Variants in SPIRE2 observed in about 807,000 individuals in gnomAD.
SPIRE2 encodes the protein spire type actin nucleation factor 2.
Under a neutral mutation model 80.7 loss-of-function variants are expected in SPIRE2, and 76 were observed. That is an observed-to-expected ratio of 0.94 (90% CI 0.78 to 1.14). The LOEUF (loss-of-function observed/expected upper bound fraction) is 1.14. SPIRE2 is among the 50% of genes most tolerant of loss of function. The pLI is 0.00. For missense variants in SPIRE2, 1,196 were observed against 1,015.3 expected (o/e 1.18, Z -2.42); for synonymous variants, 535 against 432.6 (o/e 1.24, Z -2.94).
In SPIRE2 at chr16:89,856,212, C is replaced by T. The variant is rs762472678; in HGVS notation, c.1078C>T (p.Arg360Trp). The T allele has an allele frequency of 1.1e-5, 17 of 1,589,718 alleles. No individual in the cohort carries two copies. In the African/African-American group the frequency reaches 1.1e-4, roughly 10 times the overall value. ...GCAGGAGCGGAGGCTGCGCCCGGTG[C>T]GGGGCGAGGGCTGGGCTGCCCGCGG... is the stretch of plus-strand genomic sequence containing the variant. ...IKQERRLRPVRGEGWAARGFG... is the reference protein window; with the variant it reads ...IKQERRLRPVWGEGWAARGFG... The change falls in exon 7 of 15, where the codon CGG becomes TGG. Residue 360 changes from arginine to tryptophan, a missense_variant. Coordinates refer to ENST00000378247, the MANE Select transcript of SPIRE2 (RefSeq NM_032451.2).
chr16:89,857,601 G>A (rs549053722), intron 7 of SPIRE2, among the ~76,000 whole-genome samples: 43 of 146,238 alleles, frequency 2.9e-4, no homozygotes, highest in African/African-American at 9.1e-4. Flanking sequence ...ATGGAGTTTC[G>A]CCCTTTTTGC....
At chr16:89,869,385 C>T (rs2041819112) in intron 13 of SPIRE2, among the ~76,000 whole-genome samples, 182 bp from the exon 14 acceptor site, 1 of 152,012 alleles carries the variant, frequency 6.6e-6, no homozygotes, top group South Asian at 2.1e-4. Flanking sequence ...GCAGGAACCC[C>T]GTGCCAGTCT....
chr16:89,858,568 G>A (rs1263578561), intron 8 of SPIRE2, 61 bp downstream of exon 8: 4 of 1,464,554 alleles, frequency 2.7e-6, no homozygotes, highest in Non-Finnish European at 3.6e-6. Flanking sequence ...GGCCAAGGAA[G>A]TGAGAAGGGC....
chr16:89,847,424 C>T (rs1464660967), intron 2 of SPIRE2, among the ~76,000 whole-genome samples: 1 of 152,186 alleles, frequency 6.6e-6, no homozygotes, highest in African/African-American at 2.4e-5. Context: ...CCCTGCTGTC[C>T]CGAGTCTCCA....
chr16:89,844,148 A>AT (rs1419468669), intron 1 of SPIRE2, among the ~76,000 whole-genome samples: 2 of 150,876 alleles, frequency 1.3e-5, no homozygotes, highest in Non-Finnish European at 3.0e-5. Flanking sequence ...CGCCTGGCTA[A>AT]TTTTTTTATT....
chr16:89,836,890 G>A (rs1203820936), intron 1 of SPIRE2, among the ~76,000 whole-genome samples: 2 of 152,140 alleles, frequency 1.3e-5, no homozygotes, highest in Non-Finnish European at 2.9e-5. Flanking sequence ...AGCTACTGAG[G>A]AGGATGAGGC....
chr16:89,836,131 CGCCACT>C, intron 1 of SPIRE2: 1 of 448,994 alleles, frequency 2.2e-6, no homozygotes. Flanking sequence ...GTCGAGATTG[CGCCACT>C]GCCCTCCAGC....
intron 1 of SPIRE2, among the ~76,000 whole-genome samples, chr16:89,844,764 G>C (rs572940831): frequency 1.3e-5 from 2 of 152,126 alleles, no homozygotes; most frequent in Non-Finnish European, 2.9e-5. Context: ...AAAATTTTTT[G>C]TAGCCACAGG....
At chr16:89,832,274 G>T (rs539463708) in intron 1 of SPIRE2, among the ~76,000 whole-genome samples, 1 of 152,224 alleles carries the variant, frequency 6.6e-6, no homozygotes, top group African/African-American at 2.4e-5. Context: ...CAGCCTGCCT[G>T]TTCTGCCGCT....
chr16:89,829,292 G>A (rs2041356904), intron 1 of SPIRE2, among the ~76,000 whole-genome samples: 1 of 152,238 alleles, frequency 6.6e-6, no homozygotes, highest in Admixed American at 6.5e-5. Context: ...GAGAGGAAGG[G>A]GTGTGTAAAG....
rs2041820654 is a variant in SPIRE2 at position 89,869,549 on chromosome 16, C to T, written c.1807-18C>T. The T allele has an allele frequency of 1.3e-6, 2 of 1,551,534 alleles. No individual in the cohort carries two copies. Among genetic ancestry groups the T allele is most frequent in the Non-Finnish European group, 1.8e-6 (2 of 1,123,792 alleles). On this transcript the variant is annotated intron_variant, in intron 13 of 14. Transcript: ENST00000378247. ...CTCTGGTGGTGCCTGGTTCATACCT[C>T]CTCCCTCTGTGCTGCAGATGAAGAT...
intron 2 of SPIRE2, 41 bp downstream of exon 2, chr16:89,845,406 A>G (rs1471098046): frequency 6.7e-7 from 1 of 1,499,714 alleles, no homozygotes. Context: ...GATGTGTGTT[A>G]AAACGTACCT....
chr16:89,870,345 C>A lies in SPIRE2; in HGVS notation c.*73C>A. On this transcript the variant is annotated 3_prime_UTR_variant, in exon 15 of 15. Coordinates refer to ENST00000378247, the MANE Select transcript of SPIRE2 (RefSeq NM_032451.2). The stretch of plus-strand genomic sequence containing the variant: ...TCAGGCTAGGACGCTCTGAGCTGTG[C>A]ATGTACATATATACATATATAGATA... 1 of 843,708 alleles carries A rather than the reference C, an allele frequency of 1.2e-6. No individual in the cohort carries two copies. The highest frequency in any genetic ancestry group is 1.9e-6 in the Non-Finnish European group (1 of 521,574). 52.3% of individuals were successfully genotyped at this position (843,708 alleles called of 1,614,324 possible).
chr16:89,869,053 A>AAAATATATATATATATATATATAT, intron 13 of SPIRE2, among the ~76,000 whole-genome samples: 1 of 24,028 alleles, frequency 4.2e-5, no homozygotes, highest in African/African-American at 1.6e-4. Flanking sequence ...AAAAAAAAAA[A>AAAATATATATATATATATATATAT]ATATATATAT....
At chr16:89,851,155 G>A (rs1170785161) in intron 3 of SPIRE2, among the ~76,000 whole-genome samples, 1 of 152,152 alleles carries the variant, frequency 6.6e-6, no homozygotes, top group African/African-American at 2.4e-5. Context: ...GTTAAGTGGT[G>A]GGCTCAGCCT....
Position 89,850,457 on chromosome 16 carries a change from G to T in SPIRE2, c.442G>T (p.Gly148Cys). The change falls in exon 3 of 15, where the codon GGC becomes TGC. Residue 148 changes from glycine to cysteine, a missense_variant. Physicochemically the swap from Gly to Cys is radical, Grantham distance 159 (BLOSUM62 -3). Coordinates refer to ENST00000378247, the MANE Select transcript of SPIRE2 (RefSeq NM_032451.2). The part of the protein sequence containing the change: ...EDSGCGAADE[G>C]YGGPEEEEEA... ...CAGCGGCTGCGGTGCCGCCGATGAG[G>T]GCTACGGGGGTCCCGAGGAGGAGGA... is the stretch of plus-strand genomic sequence containing the variant. 6.4e-7 allele frequency: 1 copy of T among 1,562,384 alleles called. No homozygotes were observed. The highest frequency in any genetic ancestry group is 8.7e-7 in the Non-Finnish European group (1 of 1,155,920).
intron 1 of SPIRE2, among the ~76,000 whole-genome samples, chr16:89,831,196 A>G (rs1235373843): frequency 6.6e-6 from 1 of 150,526 alleles, no homozygotes; most frequent in Non-Finnish European, 1.5e-5. Context: ...GGCGTGAGCC[A>G]CTGCGCCCAG....
chr16:89,856,032 G>C, intron 6 of SPIRE2, 81 bp from the exon 7 acceptor site: 1 of 1,567,666 alleles, frequency 6.4e-7, no homozygotes, highest in Admixed American at 1.7e-5. Context: ...CCCCACCACA[G>C]GTCCCGCTTC....
rs557710946 is a variant in SPIRE2, at chr16:89,865,739, C to T, written c.1778+1878C>T. ...ATCCCAGCACTTTGGGAGGCCAACG[C>T]TGGCAGATCACGAGGTCGGGAGATC... On this transcript the variant is annotated intron_variant, in intron 12 of 14. Transcript: ENST00000378247. 2.6e-5 allele frequency among the ~76,000 whole-genome samples: 4 copies of T among 151,662 alleles called. No homozygotes were observed. In the East Asian group the frequency reaches 7.8e-4, roughly 30 times the overall value.
Sources: gnomAD v4.1 joint callset for allele counts (sites outside exome capture counted in the v4.1 genomes callset) on GRCh38, gnomAD v4.1.1 for gene constraint, MANE v1.5 for transcripts, NCBI Gene and HGNC (gene_info 2026-07-23, HGNC 2026-07-21) for gene names.